The following EXOC4 variants were observed in gnomAD, a reference collection of about 807,000 sequenced individuals.
EXOC4 encodes SEC8-like 1.
A neutral mutation model predicts 107.2 loss-of-function variants in EXOC4; 71 were observed. The ratio of observed to expected loss-of-function variants is 0.66; its 90% CI spans 0.55 to 0.81. The LOEUF is 0.81. Among genes scored for constraint, EXOC4 ranks in the 30% least tolerant of loss-of-function variants. The pLI is 0.00. For synonymous variants in EXOC4, 456 were observed against 441.2 expected (o/e 1.03, Z -0.42); for missense variants, 1,108 against 1,189.6 (o/e 0.93, Z 1.01).
intron 7 of EXOC4, among the ~76,000 whole-genome samples, chr7:133,440,303 G>C (rs569055347): frequency 1.3e-5 from 2 of 152,094 alleles, no homozygotes; most frequent in East Asian, 3.9e-4. Flanking sequence ...AATCAATTCT[G>C]CATTTTTGTA....
the EXOC4 span, among the ~76,000 whole-genome samples, chr7:134,075,224 T>A: frequency 6.6e-6 from 1 of 152,124 alleles, no homozygotes; most frequent in Non-Finnish European, 1.5e-5. Context: ...CATGGGTGAT[T>A]TGGGGTGATG....
intron 9 of EXOC4, among the ~76,000 whole-genome samples, chr7:133,512,960 C>T (rs1203861004): frequency 6.6e-6 from 1 of 152,072 alleles, no homozygotes; most frequent in Non-Finnish European, 1.5e-5. Flanking sequence ...CAAAAACTAG[C>T]CGGGCCTGGT....
chr7:133,754,029 G>C (rs888649478), intron 10 of EXOC4, among the ~76,000 whole-genome samples: 1 of 152,138 alleles, frequency 6.6e-6, no homozygotes, highest in African/African-American at 2.4e-5. Flanking sequence ...TGTCAGTCAC[G>C]TAGAGGATGT....
chr7:133,877,209 C>G (rs1394724051), intron 11 of EXOC4, among the ~76,000 whole-genome samples: 2 of 152,100 alleles, frequency 1.3e-5, no homozygotes, highest in Non-Finnish European at 1.5e-5. Context: ...GGACCCTATT[C>G]CTAATAGCTG....
chr7:133,764,490 T>G (rs2151155549), intron 10 of EXOC4, among the ~76,000 whole-genome samples: 1 of 152,120 alleles, frequency 6.6e-6, no homozygotes, highest in Admixed American at 6.6e-5. Flanking sequence ...CTGCCAGGAC[T>G]TAGCCCAGGA....
chr7:133,916,286 G>A (rs530717684), intron 12 of EXOC4, among the ~76,000 whole-genome samples: 6 of 152,320 alleles, frequency 3.9e-5, no homozygotes, highest in African/African-American at 1.2e-4. Flanking sequence ...TCACTGGCCC[G>A]CTGCTCACCT....
chr7:133,445,381 G>A (rs1481160222), intron 7 of EXOC4, among the ~76,000 whole-genome samples: 2 of 152,120 alleles, frequency 1.3e-5, no homozygotes, highest in Non-Finnish European at 2.9e-5. Flanking sequence ...TCTTTCCTTT[G>A]CAGTTGTGTA....
At chr7:133,552,082 A>G (rs1393690978) in intron 9 of EXOC4, among the ~76,000 whole-genome samples, 4 of 152,208 alleles carry the variant, frequency 2.6e-5, no homozygotes, top group Admixed American at 2.0e-4. Context: ...TGTGAATGGC[A>G]CTTGGCATTT....
chr7:133,591,679 C>T (rs548872019), intron 9 of EXOC4, among the ~76,000 whole-genome samples: 5 of 151,760 alleles, frequency 3.3e-5, no homozygotes, highest in South Asian at 4.2e-4. Flanking sequence ...TCTAAGTGGC[C>T]GATATGAATT....
chr7:133,454,791 A>G (rs557427402), intron 7 of EXOC4, among the ~76,000 whole-genome samples: 1 of 152,094 alleles, frequency 6.6e-6, no homozygotes, highest in Admixed American at 6.5e-5. Context: ...GTACAGAACC[A>G]CTCTATATAC....
intron 9 of EXOC4, among the ~76,000 whole-genome samples, chr7:133,618,590 G>A (rs1182079174): frequency 2.0e-5 from 3 of 152,102 alleles, no homozygotes; most frequent in Middle Eastern, 3.2e-3. Flanking sequence ...GTGGGTGGTC[G>A]ACATTGAATT....
intron 2 of EXOC4, among the ~76,000 whole-genome samples, chr7:133,278,548 A>G (rs1044663358): frequency 1.3e-5 from 2 of 152,140 alleles, no homozygotes; most frequent in Non-Finnish European, 2.9e-5. Context: ...CCAGGAAGAA[A>G]GGAAGCAGGT....
chr7:134,092,054 A>G, the EXOC4 span, among the ~76,000 whole-genome samples: 5 of 152,190 alleles, frequency 3.3e-5, no homozygotes, highest in Non-Finnish European at 7.3e-5. Context: ...TTTGTTCTTA[A>G]GCATTTTGGA....
chr7:133,803,416 A>G (rs1796994670), intron 10 of EXOC4, among the ~76,000 whole-genome samples: 1 of 152,136 alleles, frequency 6.6e-6, no homozygotes, highest in Non-Finnish European at 1.5e-5. Context: ...TTGCATATTC[A>G]GCTGAGTATA....
chr7:133,899,412 G>C (rs1263649444), intron 12 of EXOC4, among the ~76,000 whole-genome samples: 1 of 152,232 alleles, frequency 6.6e-6, no homozygotes, highest in Non-Finnish European at 1.5e-5. Flanking sequence ...GGAAGCCACT[G>C]CATCTGCAAA....
intron 9 of EXOC4, among the ~76,000 whole-genome samples, chr7:133,560,968 A>G (rs1483640359): frequency 6.6e-6 from 1 of 152,058 alleles, no homozygotes; most frequent in Non-Finnish European, 1.5e-5. Flanking sequence ...AAGATACTAG[A>G]TCAGTGACTC....
chr7:133,474,800 C>G (rs1015309044), intron 7 of EXOC4, among the ~76,000 whole-genome samples: 2 of 152,106 alleles, frequency 1.3e-5, no homozygotes, highest in African/African-American at 4.8e-5. Flanking sequence ...CATGCACTCC[C>G]TAGTACACTA....
chr7:133,882,652 C>T (rs1798990504), intron 11 of EXOC4, among the ~76,000 whole-genome samples: 1 of 152,030 alleles, frequency 6.6e-6, no homozygotes, highest in South Asian at 2.1e-4. Flanking sequence ...CTAGCTAAGA[C>T]CCGAAAGAGA....
At chr7:134,099,004 G>A in the EXOC4 span, among the ~76,000 whole-genome samples, 1 of 152,176 alleles carries the variant, frequency 6.6e-6, no homozygotes, top group Non-Finnish European at 1.5e-5. Flanking sequence ...TCCAGAAGGA[G>A]ATGGCATTTG....
Sources: gnomAD v4.1 joint callset for allele counts (sites outside exome capture counted in the v4.1 genomes callset) on GRCh38, gnomAD v4.1.1 for gene constraint, MANE v1.5 for transcripts, NCBI Gene and HGNC (gene_info 2026-07-23, HGNC 2026-07-21) for gene names.